Variants in ELAC2 observed in about 807,000 individuals in gnomAD.
ELAC2 encodes elaC ribonuclease Z 2.
A neutral mutation model predicts 105.2 loss-of-function variants in ELAC2; 92 were observed. The ratio of observed to expected loss-of-function variants is 0.87; its 90% confidence interval spans 0.74 to 1.04. ELAC2 has a LOEUF of 1.04. ELAC2 is among the 50% of genes least tolerant of loss of function. The pLI is 0.00. For missense variants in ELAC2, 1,099 were observed against 1,071.7 expected (o/e 1.03, Z -0.36); for synonymous variants, 468 against 409.1 (o/e 1.14, Z -1.74).
chr17:12,994,010 C>T (rs1476455853), intron 22 of ELAC2, among the ~76,000 whole-genome samples, 179 bp from the exon 23 acceptor site: 1 of 152,160 alleles, frequency 6.6e-6, no homozygotes. Flanking sequence ...TCGCACACAC[C>T]CCTGGATGAA....
chr17:13,016,869 G>A lies in ELAC2; in HGVS notation c.360C>T (p.Gly120=), dbSNP rs1567776861. Residue 120 remains glycine, a synonymous_variant, in exon 3 of 24, where the codon GGC becomes GGT. Transcript: ENST00000338034. The stretch of plus-strand genomic sequence containing the variant: ...TGCAAAGAATATACTCACCACTTAA[G>A]CCCCCAACATTAGACCAGTGCATTC... ...LTRMHWSNVG[G]LSGMILTLKE... 6 of 1,613,574 alleles carry A rather than the reference G, an allele frequency of 3.7e-6. No homozygotes were observed. The highest frequency in any genetic ancestry group is 5.1e-6 in the Non-Finnish European group (6 of 1,179,954).
At chr17:13,012,809 CCAA>C (rs1190501377) in intron 6 of ELAC2, among the ~76,000 whole-genome samples, 1 of 152,052 alleles carries the variant, frequency 6.6e-6, no homozygotes, top group Non-Finnish European at 1.5e-5. Context: ...CTTCTAACCC[CCAA>C]CAACACTTCT....
chr17:12,998,287 A>C (rs2040572048), intron 16 of ELAC2, 125 bp downstream of exon 16: 1 of 940,710 alleles, frequency 1.1e-6, no homozygotes, highest in African/African-American at 1.6e-5. Flanking sequence ...TGGACACTCC[A>C]GTCGACATGA....
intron 8 of ELAC2, among the ~76,000 whole-genome samples, chr17:13,007,717 A>C (rs1317162029): frequency 6.6e-6 from 1 of 152,022 alleles, no homozygotes; most frequent in Non-Finnish European, 1.5e-5. Context: ...GTCTCTACTA[A>C]AAACACAAAA....
intron 5 of ELAC2, 126 bp from the exon 6 acceptor site, chr17:13,013,401 A>T: frequency 9.8e-7 from 1 of 1,016,896 alleles, no homozygotes; most frequent in Middle Eastern, 2.5e-4. Flanking sequence ...CTGACACGAA[A>T]ACCAGACTTT....
At chr17:13,002,772 G>C in intron 12 of ELAC2, 193 bp from the exon 13 acceptor site, 2 of 850,596 alleles carry the variant, frequency 2.4e-6, no homozygotes, top group Non-Finnish European at 3.7e-6. Flanking sequence ...CCCTAGCTCA[G>C]CTGCCTTTCA....
intron 14 of ELAC2, 84 bp downstream of exon 14, chr17:13,002,190 C>T (rs549088728): frequency 6.9e-7 from 1 of 1,453,384 alleles, no homozygotes; most frequent in East Asian, 2.3e-5. Flanking sequence ...TGGAGAGCCT[C>T]CTGGAACATT....
intron 16 of ELAC2, 119 bp from the exon 17 acceptor site, chr17:12,996,804 T>C: frequency 7.1e-7 from 1 of 1,417,956 alleles, no homozygotes; most frequent in Admixed American, 1.9e-5. Context: ...TCTCTCCTGC[T>C]TTGCTTTGAG....
At position 12,996,614 on chromosome 17, in the gene ELAC2, T is replaced by A; in HGVS notation, c.1592A>T (p.Gln531Leu). ...FGQLCRHYGDQVDRVLGTLAA... is the reference protein window; with the variant it reads ...FGQLCRHYGDLVDRVLGTLAA... ...CAGGGTGCCCAGGACCCTGTCCACC[T>A]GGTCTCCGTAATGACGGCACAGCTG... Residue 531 changes from glutamine to leucine, a missense_variant, in exon 17 of 24, where the codon CAG becomes CTG. Transcript: ENST00000338034. 1 of 1,614,076 alleles carries A rather than the reference T, an allele frequency of 6.2e-7. No homozygotes were observed. Among genetic ancestry groups the A allele is most frequent in the Non-Finnish European group, 8.5e-7 (1 of 1,180,034 alleles).
At position 12,995,137 on chromosome 17, in the gene ELAC2, C is replaced by T. The variant is rs73981604; in HGVS notation, c.1809-75G>A. On this transcript the variant is annotated intron_variant, in intron 19 of 23. Coordinates refer to ENST00000338034, the MANE Select transcript of ELAC2 (RefSeq NM_018127.7). The stretch of plus-strand genomic sequence containing the variant: ...CTGGAACCAAAGTTTAAGTCTTTGG[C>T]TGGAGAACCCCAAAATCATTCTTAG... 1.2e-5 allele frequency: 18 copies of T among 1,455,544 alleles called. No individual in the cohort carries two copies. In the Admixed American group the frequency reaches 2.8e-4, roughly 23 times the overall value. 90.2% of individuals were successfully genotyped at this position (1,455,544 alleles called of 1,614,324 possible).
intron 4 of ELAC2, 49 bp downstream of exon 4, chr17:13,015,719 A>G: frequency 6.6e-7 from 1 of 1,514,094 alleles, no homozygotes; most frequent in Non-Finnish European, 9.2e-7. Context: ...TGTTACTGAT[A>G]TTACAAAAGG....
chr17:13,017,041 T>G lies in ELAC2; in HGVS notation c.296+30A>C, dbSNP rs745953592. 1.5e-4 allele frequency: 241 copies of G among 1,613,390 alleles called. 1 individual carries two copies. Among genetic ancestry groups the G allele is most frequent in the Admixed American group, 3.3e-5 (2 of 59,942 alleles). ...TCGGCTTTCAAGCCCCGTAATCAAC[T>G]CCCCCTCCGAAAGCAAGAGACTGAC... On this transcript the variant is annotated intron_variant, in intron 2 of 23. Coordinates refer to ENST00000338034, the MANE Select transcript of ELAC2 (RefSeq NM_018127.7).
intron 15 of ELAC2, 97 bp from the exon 16 acceptor site, chr17:12,998,605 T>C: frequency 1.7e-6 from 2 of 1,175,618 alleles, no homozygotes; most frequent in South Asian, 1.3e-5. Flanking sequence ...TGTCATTGGT[T>C]TGTCCCCAGA....
rs750515818 is a variant in ELAC2 at position 12,995,722 on chromosome 17, C to T, written c.1789G>A (p.Glu597Lys). 1.2e-6 allele frequency: 2 copies of T among 1,612,030 alleles called. No homozygotes were observed. Among genetic ancestry groups the T allele is most frequent in the East Asian group, 4.5e-5 (2 of 44,786 alleles). ...WLQQYHNQCQ[E>K]VLHHISMIPA... ...GCTCACCTGATGTGGTGCAGGACCT[C>T]CTGGCACTGGTTGTGGTACTGCTGG... The change falls in exon 19 of 24, where the codon GAG (glutamate) becomes AAG (lysine). Residue 597 changes from glutamate to lysine, a missense_variant. Transcript: ENST00000338034.
chr17:13,000,032 A>C, intron 15 of ELAC2, 124 bp downstream of exon 15: 2 of 825,926 alleles, frequency 2.4e-6, no homozygotes, highest in Non-Finnish European at 4.1e-6. Flanking sequence ...TGAGTAGAGA[A>C]GCCCTGGATT....
In ELAC2 at chr17:13,004,964, T is replaced by C. The variant is rs1460384520; in HGVS notation, c.983+25A>G. On this transcript the variant is annotated intron_variant, in intron 11 of 23. Transcript: ENST00000338034. ...TGGGCTGGGTTTCAGCTCTCACTTC[T>C]CCCACCCTAGAGACCCCTCATTACC... is the stretch of plus-strand genomic sequence containing the variant. 4 of 1,568,846 alleles carry C rather than the reference T, an allele frequency of 2.5e-6. No homozygotes were observed. The East Asian group carries it at 6.7e-5, about 26-fold the overall frequency.
chr17:13,011,502 C>G (rs1014433752), intron 7 of ELAC2, among the ~76,000 whole-genome samples, 161 bp downstream of exon 7: 12 of 152,250 alleles, frequency 7.9e-5, no homozygotes, highest in Non-Finnish European at 1.0e-4. Context: ...TTACAACAAC[C>G]CTTCTCATTC....
rs142268812 is a variant in ELAC2, at chr17:13,009,065, T to C, written c.738+1548A>G. Among the ~76,000 whole-genome samples the C allele has an allele frequency of 3.1e-3, 479 of 152,296 alleles. 6 individuals carry two copies. Among genetic ancestry groups the C allele is most frequent in the East Asian group, 0.023 (121 of 5,190 alleles). On this transcript the variant is annotated intron_variant, in intron 8 of 23. Transcript: ENST00000338034. Reference sequence around the variant, plus strand: ...GTTTAAAAATCAGACAATATAAATATAGATTATCAAAAATAAAATATTTTT... The same window carrying C: ...GTTTAAAAATCAGACAATATAAATACAGATTATCAAAAATAAAATATTTTT...
chr17:12,996,479 C>G (rs769325216), intron 17 of ELAC2, 68 bp downstream of exon 17: 181 of 1,609,588 alleles, frequency 1.1e-4, no homozygotes, highest in Non-Finnish European at 1.5e-4. Flanking sequence ...AAGACGCAGC[C>G]AAAGGGCCAA....
Sources: allele counts gnomAD v4.1 joint callset (sites outside exome capture counted in the v4.1 genomes callset), GRCh38; gene constraint gnomAD v4.1.1; transcripts MANE v1.5; gene names NCBI Gene and HGNC (gene_info 2026-07-23, HGNC 2026-07-21).